Variants in RBM12B observed in about 807,000 individuals in gnomAD.
RBM12B encodes the protein RNA binding motif protein 12B.
Under a neutral mutation model 34.3 loss-of-function variants are expected in RBM12B, and 10 were observed. That is an observed-to-expected ratio of 0.29 (90% CI 0.18 to 0.49). The LOEUF (loss-of-function observed/expected upper bound fraction) is 0.49, where lower values mean the gene tolerates loss of function less well. Ranked by LOEUF, RBM12B falls within the 20% of genes least tolerant of loss-of-function variation. RBM12B has a pLI of 0.99. For synonymous variants in RBM12B, 477 were observed against 437.1 expected, an observed-to-expected ratio of 1.09 and a Z score of -1.14; for missense variants, 1,139 against 1,262.7, an observed-to-expected ratio of 0.90 and a Z score of 1.48.
At position 93,729,772 on chromosome 8, in the gene RBM12B, A is replaced by G. The variant is rs1022644841; in HGVS notation, c.*3633T>C. On this transcript the variant is annotated 3_prime_UTR_variant, in exon 4 of 4. Transcript: ENST00000520560. ...GTAACTATGTAACCATGTAAGACTT[A>G]AGTACACTTAAAAAATGTGAAAAAC... 6.6e-6 allele frequency: 1 copy of G among 152,218 alleles called. No individual in the cohort carries two copies. Among genetic ancestry groups the G allele is most frequent in the Admixed American group, 6.5e-5 (1 of 15,272 alleles). The allele number at this position is 152,218 out of a possible 1,614,324, so 9.4% of individuals were successfully genotyped here. A position where few individuals can be genotyped will look rare whatever the true frequency, so the allele number is the denominator to read the frequency against.
chr8:93,728,170 A>T lies in RBM12B; in HGVS notation c.*5235T>A, dbSNP rs1586302480. ...GAATGTAAAATTTTTTTAAGTTAGTATTTTTATTTTAAAAAGTGTGTTAAC... is the reference window on the plus strand; with the variant it reads ...GAATGTAAAATTTTTTTAAGTTAGTTTTTTTATTTTAAAAAGTGTGTTAAC... On this transcript the variant is annotated 3_prime_UTR_variant, in exon 4 of 4. Transcript: ENST00000520560. 1 of 1,370,238 alleles carries T rather than the reference A, an allele frequency of 7.3e-7. No homozygotes were observed. Among genetic ancestry groups the T allele is most frequent in the Non-Finnish European group, 9.8e-7 (1 of 1,022,836 alleles). 84.9% of individuals were successfully genotyped at this position (1,370,238 alleles called of 1,614,324 possible).
chr8:93,734,852 G>GAGTA lies in RBM12B; in HGVS notation c.1555_1558dup (p.Ser520LeufsTer7). On this transcript the variant is annotated frameshift_variant, in exon 4 of 4. Coordinates refer to ENST00000520560, the MANE Select transcript of RBM12B (RefSeq NM_001377960.1). LOFTEE classifies it low-confidence loss of function (END_TRUNC). ...TCTAAAGTTTTCAAAAGCACCAACT[G>GAGTA]AGTATATTGGTGGGTCTTTTGAGTC... The GAGTA allele has an allele frequency of 6.2e-7, 1 of 1,614,100 alleles. No homozygotes were observed. The highest frequency in any genetic ancestry group is 8.5e-7 in the Non-Finnish European group (1 of 1,179,986).
In RBM12B at chr8:93,733,378, A is replaced by G. The variant is rs747718127; in HGVS notation, c.*27T>C. 1 of 1,501,130 alleles carries G rather than the reference A, an allele frequency of 6.7e-7. No individual in the cohort carries two copies. Among genetic ancestry groups the G allele is most frequent in the Non-Finnish European group, 8.9e-7 (1 of 1,125,870 alleles). The allele number at this position is 1,501,130 out of a possible 1,614,324, so 93.0% of individuals were successfully genotyped here. The stretch of plus-strand genomic sequence containing the variant: ...TTACTCCATCAATACTGCAAGGAAG[A>G]TAACTGAATTTAGAAATGCTCTCTC... On this transcript the variant is annotated 3_prime_UTR_variant, in exon 4 of 4. Coordinates refer to ENST00000520560, the MANE Select transcript of RBM12B (RefSeq NM_001377960.1).
In RBM12B at chr8:93,735,207, T is replaced by G. The variant is rs760080537; in HGVS notation, c.1204A>C (p.Ile402Leu). 2 of 1,614,128 alleles carry G rather than the reference T, an allele frequency of 1.2e-6. No individual in the cohort carries two copies. The highest frequency in any genetic ancestry group is 3.3e-5 in the Admixed American group (2 of 60,028). ...QEGNSGQKLCIYIRNFPFDVT... is the reference protein window; with the variant it reads ...QEGNSGQKLCLYIRNFPFDVT... ...TCAAATGGAAAATTTCTTATATAGATGCACAGTTTCTGGCCAGAGTTACCT... is the reference window on the plus strand; with the variant it reads ...TCAAATGGAAAATTTCTTATATAGAGGCACAGTTTCTGGCCAGAGTTACCT... Residue 402 changes from isoleucine to leucine, a missense_variant, in exon 4 of 4, where the codon ATC (isoleucine) becomes CTC (leucine). Coordinates refer to ENST00000520560, the MANE Select transcript of RBM12B (RefSeq NM_001377960.1).
At position 93,734,427 on chromosome 8, in the gene RBM12B, G is replaced by A; in HGVS notation, c.1984C>T (p.Leu662Phe). 6.2e-7 allele frequency: 1 copy of A among 1,613,452 alleles called. No individual in the cohort carries two copies. The highest frequency in any genetic ancestry group is 8.5e-7 in the Non-Finnish European group (1 of 1,179,784). Residue 662 changes from leucine to phenylalanine, a missense_variant, in exon 4 of 4, where the codon CTC becomes TTC. Leu to Phe is a conservative substitution (Grantham distance 22). Transcript: ENST00000520560. Reference sequence around the variant, plus strand: ...GGCCGCCTGAAATCTTCCTCTGGGAGCCACCTTAAGTCCTCCTCAGGGGGT... The same window carrying A: ...GGCCGCCTGAAATCTTCCTCTGGGAACCACCTTAAGTCCTCCTCAGGGGGT... Reference protein sequence around the residue: ...RQPPEEDLRWLPEEDFRRPPE... With the variant: ...RQPPEEDLRWFPEEDFRRPPE...
In RBM12B at chr8:93,733,299, A is replaced by G; in HGVS notation, c.*106T>C. The stretch of plus-strand genomic sequence containing the variant: ...TTGTTCTATTCACAGGTCAAAAATA[A>G]AATATTTCATTAGATAATTTAAAAA... On this transcript the variant is annotated 3_prime_UTR_variant, in exon 4 of 4. Coordinates refer to ENST00000520560, the MANE Select transcript of RBM12B (RefSeq NM_001377960.1). 1.1e-6 allele frequency: 1 copy of G among 879,762 alleles called. No homozygotes were observed. The highest frequency in any genetic ancestry group is 1.7e-5 in the African/African-American group (1 of 58,236). 54.5% of individuals were successfully genotyped at this position (879,762 alleles called of 1,614,324 possible).
Position 93,729,148 on chromosome 8 carries a change from C to G in RBM12B, c.*4257G>C, listed in dbSNP as rs1304706046. ...TAAGGAATACTTTTATTTCATGGAT[C>G]CCAGGCAGGCATATAAAAGTTACGG... On this transcript the variant is annotated 3_prime_UTR_variant, in exon 4 of 4. Transcript: ENST00000520560. 6.6e-6 allele frequency: 1 copy of G among 151,990 alleles called. No individual in the cohort carries two copies. Among genetic ancestry groups the G allele is most frequent in the Non-Finnish European group, 1.5e-5 (1 of 67,952 alleles). 9.4% of individuals were successfully genotyped at this position (151,990 alleles called of 1,614,324 possible). A position where few individuals can be genotyped will look rare whatever the true frequency, so the allele number is the denominator to read the frequency against.
Position 93,734,386 on chromosome 8 carries a change from C to T in RBM12B, c.2025G>A (p.Trp675Ter). 1.2e-6 allele frequency: 2 copies of T among 1,610,632 alleles called. No individual in the cohort carries two copies. Among genetic ancestry groups the T allele is most frequent in the Non-Finnish European group, 8.5e-7 (1 of 1,178,970 alleles). The change falls in exon 4 of 4, where the codon TGG becomes TGA. Residue 675 changes from tryptophan to a stop codon, truncating the protein, a stop_gained. Coordinates refer to ENST00000520560, the MANE Select transcript of RBM12B (RefSeq NM_001377960.1). LOFTEE classifies it high-confidence loss of function. ...EDFRRPPEEDWRRPPEEDFRR... is the reference protein window; with the variant it reads ...EDFRRPPEED ...TAAAGTCCTCCTCTGGGGGCCGTCTCCAGTCCTCCTCAGGTGGCCGCCTGA... is the reference window on the plus strand; with the variant it reads ...TAAAGTCCTCCTCTGGGGGCCGTCTTCAGTCCTCCTCAGGTGGCCGCCTGA...
intron 2 of RBM12B, chr8:93,739,135 A>T (rs1403388333): frequency 6.6e-6 from 1 of 152,202 alleles, no homozygotes; most frequent in Non-Finnish European, 1.5e-5. Flanking sequence ...CTCCTATGCA[A>T]ATTGGCTTAG....
rs1812189907 is a variant in RBM12B, at chr8:93,740,890, C to G, written c.-155G>C. The G allele has an allele frequency of 7.5e-6, 2 of 266,206 alleles. No homozygotes were observed. The highest frequency in any genetic ancestry group is 7.5e-6 in the Non-Finnish European group (1 of 134,024). The allele number at this position is 266,206 out of a possible 1,614,324, so 16.5% of individuals were successfully genotyped here. On this transcript the variant is annotated 5_prime_UTR_variant, in exon 1 of 4. Transcript: ENST00000520560. Reference sequence around the variant, plus strand: ...GGCAATAAACACACACCACTGCTGCCGAGTCGGACACACAAGGCCGGAGGC... The same window carrying G: ...GGCAATAAACACACACCACTGCTGCGGAGTCGGACACACAAGGCCGGAGGC...
Position 93,734,532 on chromosome 8 carries a change from A to G in RBM12B, c.1879T>C (p.Trp627Arg), listed in dbSNP as rs752548858. ...AAATCCTCCTCCAGTGGCCGCCTCC[A>G]GTCCTCCTCAAGGGGCCTCCTCCAG... ...EDWRRPLEED[W>R]RRPLEEDFRR... is the part of the protein sequence containing the mutation. Residue 627 changes from tryptophan to arginine, a missense_variant, in exon 4 of 4, where the codon TGG (tryptophan) becomes CGG (arginine). Trp to Arg is a moderately radical substitution (Grantham distance 101). Coordinates refer to ENST00000520560, the MANE Select transcript of RBM12B (RefSeq NM_001377960.1). The G allele has an allele frequency of 6.0e-5, 96 of 1,612,952 alleles. 1 individual carries two copies. Among genetic ancestry groups the G allele is most frequent in the Non-Finnish European group, 7.3e-5 (86 of 1,179,576 alleles).
In RBM12B at chr8:93,731,024, G is replaced by A. The variant is rs1386933986; in HGVS notation, c.*2381C>T. 2.0e-5 allele frequency: 3 copies of A among 152,116 alleles called. No individual in the cohort carries two copies. Among genetic ancestry groups the A allele is most frequent in the African/African-American group, 7.2e-5 (3 of 41,396 alleles). The allele number at this position is 152,116 out of a possible 1,614,324, so 9.4% of individuals were successfully genotyped here. A position where few individuals can be genotyped will look rare whatever the true frequency, so the allele number is the denominator to read the frequency against. On this transcript the variant is annotated 3_prime_UTR_variant, in exon 4 of 4. Coordinates refer to ENST00000520560, the MANE Select transcript of RBM12B (RefSeq NM_001377960.1). ...AATAATAAAAAATTTAGCCAGACAA[G>A]GTGGCACACACCTGTAGTCCCAGCT...
At position 93,734,041 on chromosome 8, in the gene RBM12B, C is replaced by T. The variant is rs376165561; in HGVS notation, c.2370G>A (p.Pro790=). The change falls in exon 4 of 4, where the codon CCG becomes CCA. Residue 790 remains proline, a synonymous_variant. Coordinates refer to ENST00000520560, the MANE Select transcript of RBM12B (RefSeq NM_001377960.1). ...GGGAGCGCCTGAAATGCTCCTGAGG[C>T]GGCCGCCTGAAATGCTCCTGGGGCG... ...RRPPQEHFRR[P]PQEHFRRSRE... 2.3e-5 allele frequency: 36 copies of T among 1,593,492 alleles called. 1 individual carries two copies. The highest frequency in any genetic ancestry group is 6.8e-5 in the African/African-American group (5 of 73,078).
In RBM12B at chr8:93,732,682, T is replaced by G. The variant is rs958383072; in HGVS notation, c.*723A>C. On this transcript the variant is annotated 3_prime_UTR_variant, in exon 4 of 4. Transcript: ENST00000520560. ...TTATTACTATAGAATGTCTGGTCCC[T>G]CCCATCATAAATATGGTTTAATGAA... 1.3e-5 allele frequency: 2 copies of G among 152,220 alleles called. No individual in the cohort carries two copies. The highest frequency in any genetic ancestry group is 4.8e-5 in the African/African-American group (2 of 41,468). The allele number at this position is 152,220 out of a possible 1,614,324, so 9.4% of individuals were successfully genotyped here.
chr8:93,734,650 G>C lies in RBM12B; in HGVS notation c.1761C>G (p.Phe587Leu). 6.2e-7 allele frequency: 1 copy of C among 1,613,568 alleles called. No homozygotes were observed. The highest frequency in any genetic ancestry group is 8.5e-7 in the Non-Finnish European group (1 of 1,179,706). ...EDFRRPREED[F>L]RRPSEEDFRR... ...TGAAGTCCTCCTCAGAAGGCCGCCT[G>C]AAGTCTTCCTCCCTAGGTCGCCTGA... The change falls in exon 4 of 4, where the codon TTC (phenylalanine) becomes TTG (leucine). Residue 587 changes from phenylalanine to leucine, a missense_variant. Coordinates refer to ENST00000520560, the MANE Select transcript of RBM12B (RefSeq NM_001377960.1).
Position 93,728,597 on chromosome 8 carries a change from A to G in RBM12B, c.*4808T>C, listed in dbSNP as rs1401019205. 1 of 188,466 alleles carries G rather than the reference A, an allele frequency of 5.3e-6. No individual in the cohort carries two copies. Among genetic ancestry groups the G allele is most frequent in the Non-Finnish European group, 1.1e-5 (1 of 92,490 alleles). 11.7% of individuals were successfully genotyped at this position (188,466 alleles called of 1,614,324 possible). A position where few individuals can be genotyped will look rare whatever the true frequency, so the allele number is the denominator to read the frequency against. ...TATCTACTTGAAGTTCCAATAGTAC[A>G]TTATGACAGAAACCAAAAGATCTAA... On this transcript the variant is annotated 3_prime_UTR_variant, in exon 4 of 4. Coordinates refer to ENST00000520560, the MANE Select transcript of RBM12B (RefSeq NM_001377960.1).
intron 2 of RBM12B, chr8:93,740,319 A>C: frequency 2.2e-6 from 1 of 457,236 alleles, no homozygotes. Context: ...CTACAGCCCA[A>C]AGCCTTTGTC....
chr8:93,735,617 C>T lies in RBM12B; in HGVS notation c.794G>A (p.Arg265Gln), dbSNP rs774083454. ...PPRGINDRHF[R>Q]KRSHSKSPRR... Reference sequence around the variant, plus strand: ...GGGAGATTTTGAATGAGACCGTTTTCGAAAATGTCTATCATTAATTCCTCT... The same window carrying T: ...GGGAGATTTTGAATGAGACCGTTTTTGAAAATGTCTATCATTAATTCCTCT... The change falls in exon 4 of 4, where the codon CGA becomes CAA. Residue 265 changes from arginine to glutamine, a missense_variant. By Grantham distance (43) the Arg-to-Gln change is conservative. Around this residue, in one of 3 missense-constraint regions of RBM12B, gnomAD observed 863 missense variants for 869.5 expected, o/e 0.99. Transcript: ENST00000520560. 2.4e-5 allele frequency: 39 copies of T among 1,613,890 alleles called. No homozygotes were observed. Among genetic ancestry groups the T allele is most frequent in the Middle Eastern group, 1.6e-4 (1 of 6,084 alleles).
rs746059679 is a variant in RBM12B, at chr8:93,734,197, A to G, written c.2214T>C (p.His738=). The change falls in exon 4 of 4, where the codon CAT becomes CAC. Residue 738 remains histidine, a synonymous_variant. Transcript: ENST00000520560. ...QEHFRRPPPE[H]FRRPPPEHFR... The stretch of plus-strand genomic sequence containing the variant: ...AATGCTCTGGAGGTGGTCTCCGGAA[A>G]TGCTCTGGGGGTGGCCGACGGAAAT... 7.6e-6 allele frequency: 12 copies of G among 1,582,134 alleles called. No individual in the cohort carries two copies. The highest frequency in any genetic ancestry group is 1.8e-4 in the Middle Eastern group (1 of 5,686).
Sources: gnomAD v4.1 joint callset for allele counts on GRCh38, gnomAD v4.1.1 for gene constraint, gnomAD v4.1.1 regional missense constraint, MANE v1.5 for transcripts, NCBI Gene and HGNC (gene_info 2026-07-23, HGNC 2026-07-21) for gene names.